The following AJM1 variants were observed in gnomAD, a reference collection of about 807,000 sequenced individuals.
AJM1 encodes uncharacterized protein C9orf172.
AJM1 carries 22 observed loss-of-function variants against 43.0 expected under a neutral mutation model. The observed-to-expected ratio is 0.51, with a 90% CI of 0.37 to 0.73. The LOEUF (loss-of-function observed/expected upper bound fraction) is 0.73. AJM1 is among the 30% of genes least tolerant of loss of function. The pLI is 0.00. For missense variants in AJM1, 1,305 were observed against 1,343.3 expected (o/e 0.97, Z 0.45); for synonymous variants, 719 against 638.3 (o/e 1.13, Z -1.91).
rs1449618123 is a variant in AJM1, at chr9:136,844,741, G to A, written c.327G>A (p.Ser109=). 6.2e-5 allele frequency: 37 copies of A among 594,556 alleles called. No individual in the cohort carries two copies. The East Asian group carries it at 3.6e-3, about 57-fold the overall frequency. The allele number at this position is 594,556 out of a possible 1,614,324, so 36.8% of individuals were successfully genotyped here. The change falls in exon 3 of 3, where the codon TCG becomes TCA. Residue 109 remains serine, a synonymous_variant. Coordinates refer to ENST00000436881, the MANE Select transcript of AJM1 (RefSeq NM_001080482.5). ...APPGLTPAPA[S]PPVLPRRGRE... ...CGGGCCTGACGCCCGCGCCCGCCTC[G>A]CCGCCGGTGTTGCCCCGCCGAGGGC...
Position 136,845,562 on chromosome 9 carries a change from G to T in AJM1, c.1148G>T (p.Arg383Leu). The change falls in exon 3 of 3, where the codon CGC (arginine) becomes CTC (leucine). Residue 383 changes from arginine (R) to leucine (L), a missense_variant. Transcript: ENST00000436881. ...PFYTEDFGRY[R>L]ERDVLARTYP... ...TACACGGAGGACTTCGGAAGGTACCGCGAGCGTGACGTCCTGGCTCGGACG... is the reference window on the plus strand; with the variant it reads ...TACACGGAGGACTTCGGAAGGTACCTCGAGCGTGACGTCCTGGCTCGGACG... 6 of 1,591,216 alleles carry T rather than the reference G, an allele frequency of 3.8e-6. No homozygotes were observed. The highest frequency in any genetic ancestry group is 5.1e-6 in the Non-Finnish European group (6 of 1,171,098).
At position 136,845,589 on chromosome 9, in the gene AJM1, A is replaced by G. The variant is rs776469636; in HGVS notation, c.1175A>G (p.Tyr392Cys). ...YRERDVLART[Y>C]PHPRSSPAWA... ...GAGCGTGACGTCCTGGCTCGGACGTACCCGCACCCGCGCAGCAGCCCGGCC... is the reference window on the plus strand; with the variant it reads ...GAGCGTGACGTCCTGGCTCGGACGTGCCCGCACCCGCGCAGCAGCCCGGCC... Residue 392 changes from tyrosine (Y) to cysteine (C), a missense_variant, in exon 3 of 3, where the codon TAC (tyrosine) becomes TGC (cysteine). Around this residue, in one of 6 missense-constraint regions of AJM1, gnomAD observed 653 missense variants for 549.1 expected, o/e 1.19. Coordinates refer to ENST00000436881, the MANE Select transcript of AJM1 (RefSeq NM_001080482.5). 1 of 1,585,858 alleles carries G rather than the reference A, an allele frequency of 6.3e-7. No individual in the cohort carries two copies. The highest frequency in any genetic ancestry group is 8.5e-7 in the Non-Finnish European group (1 of 1,170,448).
intron 1 of AJM1, among the ~76,000 whole-genome samples, chr9:136,842,911 G>A (rs1299001230): frequency 6.6e-6 from 1 of 151,972 alleles, no homozygotes; most frequent in African/African-American, 2.4e-5. Context: ...CTCACACCCT[G>A]TCATCCGGCC....
At position 136,845,553 on chromosome 9, in the gene AJM1, G is replaced by A. The variant is rs552865442; in HGVS notation, c.1139G>A (p.Gly380Glu). 8.2e-6 allele frequency: 13 copies of A among 1,594,536 alleles called. No individual in the cohort carries two copies. In the East Asian group the frequency reaches 1.4e-4, roughly 17 times the overall value. Residue 380 changes from glycine (G) to glutamate (E), a missense_variant, in exon 3 of 3, where the codon GGA (glycine) becomes GAA (glutamate). Around this residue, in one of 6 missense-constraint regions of AJM1, gnomAD observed 653 missense variants for 549.1 expected, o/e 1.19. Coordinates refer to ENST00000436881, the MANE Select transcript of AJM1 (RefSeq NM_001080482.5). ...CGCCCCTTTTACACGGAGGACTTCG[G>A]AAGGTACCGCGAGCGTGACGTCCTG... Reference protein sequence around the residue: ...TARPFYTEDFGRYRERDVLAR... With the variant: ...TARPFYTEDFERYRERDVLAR...
In AJM1 at chr9:136,844,893, G is replaced by A. The variant is rs992151258; in HGVS notation, c.479G>A (p.Arg160His). The A allele has an allele frequency of 3.5e-4, 90 of 255,908 alleles. 1 individual carries two copies. The highest frequency in any genetic ancestry group is 5.8e-4 in the Non-Finnish European group (80 of 137,666). 15.9% of individuals were successfully genotyped at this position (255,908 alleles called of 1,614,324 possible). A position where few individuals can be genotyped will look rare whatever the true frequency, so the allele number is the denominator to read the frequency against. ...KLQPQRGGPG[R>H]VAPLCAAAGR... ...CAGCCGCAGCGGGGCGGCCCCGGCCGCGTCGCGCCCCTGTGCGCCGCCGCG... is the reference window on the plus strand; with the variant it reads ...CAGCCGCAGCGGGGCGGCCCCGGCCACGTCGCGCCCCTGTGCGCCGCCGCG... Residue 160 changes from arginine (R) to histidine (H), a missense_variant, in exon 3 of 3, where the codon CGC becomes CAC. Around this residue, in one of 6 missense-constraint regions of AJM1, gnomAD observed 653 missense variants for 549.1 expected, o/e 1.19. Transcript: ENST00000436881.
chr9:136,843,706 C>T (rs1231658118), intron 1 of AJM1, among the ~76,000 whole-genome samples: 1 of 152,188 alleles, frequency 6.6e-6, no homozygotes, highest in Non-Finnish European at 1.5e-5. Context: ...GTTGAGGGCA[C>T]CTAGGCGTGG....
Position 136,848,274 on chromosome 9 carries a change from G to C in AJM1, c.*929G>C, listed in dbSNP as rs1319774383. On this transcript the variant is annotated 3_prime_UTR_variant, in exon 3 of 3. Transcript: ENST00000436881. ...GTGGGAGCCTGGAGGGCAAAGCGTG[G>C]TGCGAGCAGGTGAGGGAGAGAGCTA... is the stretch of plus-strand genomic sequence containing the variant. 6.5e-6 allele frequency: 1 copy of C among 152,780 alleles called. No homozygotes were observed. The highest frequency in any genetic ancestry group is 2.4e-5 in the African/African-American group (1 of 41,482). The allele number at this position is 152,780 out of a possible 1,614,324, so 9.5% of individuals were successfully genotyped here. A position where few individuals can be genotyped will look rare whatever the true frequency, so the allele number is the denominator to read the frequency against.
Position 136,845,700 on chromosome 9 carries a change from G to GCGGCAC in AJM1, c.1294_1299dup (p.Gly432_Thr433dup), listed in dbSNP as rs762091883. ...GACCCGTTGCTCGCCTCCTGGCACG[G>GCGGCAC]CGGCACCGGCACCAGTCCGCCCCGG... On this transcript the variant is annotated inframe_insertion, in exon 3 of 3. Coordinates refer to ENST00000436881, the MANE Select transcript of AJM1 (RefSeq NM_001080482.5). The GCGGCAC allele has an allele frequency of 1.7e-4, 264 of 1,570,266 alleles. No homozygotes were observed. The highest frequency in any genetic ancestry group is 1.0e-4 in the Non-Finnish European group (119 of 1,166,850).
chr9:136,847,011 G>T lies in AJM1; in HGVS notation c.2597G>T (p.Arg866Leu), dbSNP rs1848786188. 8.0e-7 allele frequency: 1 copy of T among 1,252,502 alleles called. No individual in the cohort carries two copies. The highest frequency in any genetic ancestry group is 1.1e-6 in the Non-Finnish European group (1 of 948,108). 77.6% of individuals were successfully genotyped at this position (1,252,502 alleles called of 1,614,324 possible). The change falls in exon 3 of 3, where the codon CGC becomes CTC. Residue 866 changes from arginine to leucine, a missense_variant. Arg to Leu is a moderately radical substitution (Grantham distance 102). Coordinates refer to ENST00000436881, the MANE Select transcript of AJM1 (RefSeq NM_001080482.5). ...GCGCGGCCGCCCCCGGCGCGGAGCC[G>T]CGAGCCCGACATGGAGACGCTGATC... ...SPARPPPARSREPDMETLILT... is the reference protein window; with the variant it reads ...SPARPPPARSLEPDMETLILT...
Position 136,845,308 on chromosome 9 carries a change from C to T in AJM1, c.894C>T (p.Pro298=), listed in dbSNP as rs565642539. Reference sequence around the variant, plus strand: ...TCCGGGGCAGCTTTGCAGCCAGTCCCGGCCCAACCTTCGACGCCTACTACC... The same window carrying T: ...TCCGGGGCAGCTTTGCAGCCAGTCCTGGCCCAACCTTCGACGCCTACTACC... ...QGFRGSFAAS[P]GPTFDAYYPR... Residue 298 remains proline, a synonymous_variant, in exon 3 of 3, where the codon CCC becomes CCT. Transcript: ENST00000436881. 2.7e-4 allele frequency: 440 copies of T among 1,611,802 alleles called. No individual in the cohort carries two copies. The East Asian group carries it at 8.9e-3, about 33-fold the overall frequency.
chr9:136,843,433 C>T (rs1368253641), intron 1 of AJM1, among the ~76,000 whole-genome samples: 1 of 152,250 alleles, frequency 6.6e-6, no homozygotes, highest in Non-Finnish European at 1.5e-5. Flanking sequence ...CTTCCCCCAC[C>T]CTCCGCCCTG....
Position 136,845,350 on chromosome 9 carries a change from C to T in AJM1, c.936C>T (p.Ser312=). ...CCTACTACCCCAGGCCCTATCCGTC[C>T]GAGGAGCTCTCGGGGCCCAGTCCAA... The part of the protein sequence containing the change: ...FDAYYPRPYP[S]EELSGPSPRR... Residue 312 remains serine (S), a synonymous_variant, in exon 3 of 3, where the codon TCC becomes TCT. Coordinates refer to ENST00000436881, the MANE Select transcript of AJM1 (RefSeq NM_001080482.5). 2 of 1,612,428 alleles carry T rather than the reference C, an allele frequency of 1.2e-6. No individual in the cohort carries two copies. Among genetic ancestry groups the T allele is most frequent in the African/African-American group, 2.7e-5 (2 of 75,054 alleles).
Position 136,844,352 on chromosome 9 carries a change from C to G in AJM1, c.-59-4C>G, listed in dbSNP as rs925626601. The G allele has an allele frequency of 8.5e-6, 12 of 1,414,460 alleles. No individual in the cohort carries two copies. The highest frequency in any genetic ancestry group is 4.8e-5 in the East Asian group (2 of 41,830). The allele number at this position is 1,414,460 out of a possible 1,614,324, so 87.6% of individuals were successfully genotyped here. On this transcript the variant is annotated splice_region_variant and splice_polypyrimidine_tract_variant and intron_variant, in intron 2 of 2. Transcript: ENST00000436881. ...GGGCCGCCCTGACCCGCGTCTCCCC[C>G]CAGGGCAAAAGCCCCGCAAGGCAGT...
Position 136,847,995 on chromosome 9 carries a change from G to A in AJM1, c.*650G>A, listed in dbSNP as rs1407283974. ...CGCCGAGGCGGTGGGCAGGGCGGAC[G>A]GTGCGCAGTGCGTTCCCGCTGGTCG... On this transcript the variant is annotated 3_prime_UTR_variant, in exon 3 of 3. Transcript: ENST00000436881. The A allele has an allele frequency of 6.6e-6, 1 of 152,314 alleles. No homozygotes were observed. The highest frequency in any genetic ancestry group is 1.9e-4 in the East Asian group (1 of 5,196). The allele number at this position is 152,314 out of a possible 1,614,324, so 9.4% of individuals were successfully genotyped here. A position where few individuals can be genotyped will look rare whatever the true frequency, so the allele number is the denominator to read the frequency against.
At position 136,845,782 on chromosome 9, in the gene AJM1, G is replaced by A. The variant is rs1466732273; in HGVS notation, c.1368G>A (p.Gly456=). Residue 456 remains glycine, a synonymous_variant, in exon 3 of 3, where the codon GGG becomes GGA. Transcript: ENST00000436881. ...CCTGGGACAACATTCTGGCCCCGGGGCCGCGCCGAGAAGACCCGTTGGGCC... is the reference window on the plus strand; with the variant it reads ...CCTGGGACAACATTCTGGCCCCGGGACCGCGCCGAGAAGACCCGTTGGGCC... ...SRSWDNILAP[G]PRREDPLGRG... 4 of 1,568,770 alleles carry A rather than the reference G, an allele frequency of 2.5e-6. No homozygotes were observed. The highest frequency in any genetic ancestry group is 1.2e-5 in the South Asian group (1 of 86,818).
At chr9:136,842,864 G>A (rs969781021) in intron 1 of AJM1, among the ~76,000 whole-genome samples, 10 of 152,224 alleles carry the variant, frequency 6.6e-5, no homozygotes, top group Admixed American at 6.5e-4. Flanking sequence ...GACAGCTGCA[G>A]CCAGCAAGGC....
Position 136,845,637 on chromosome 9 carries a change from C to T in AJM1, c.1223C>T (p.Pro408Leu), listed in dbSNP as rs1848762420. The T allele has an allele frequency of 6.3e-7, 1 of 1,577,818 alleles. No homozygotes were observed. Among genetic ancestry groups the T allele is most frequent in the Non-Finnish European group, 8.6e-7 (1 of 1,168,844 alleles). The stretch of plus-strand genomic sequence containing the variant: ...GCCTGGGCGGACTGGGGCCCGCGAC[C>T]GTACCGCACCCTGCAAGTGGTGCCG... ...SPAWADWGPRPYRTLQVVPPS... is the reference protein window; with the variant it reads ...SPAWADWGPRLYRTLQVVPPS... The change falls in exon 3 of 3, where the codon CCG becomes CTG. Residue 408 changes from proline (P) to leucine (L), a missense_variant. Pro to Leu is a moderately conservative substitution (Grantham distance 98, BLOSUM62 -3). This residue lies in a region of AJM1 where 653 missense variants were observed against 549.1 expected (regional missense o/e 1.19). Transcript: ENST00000436881.
Position 136,847,258 on chromosome 9 carries a change from C to T in AJM1, c.2844C>T (p.Arg948=). The T allele has an allele frequency of 3.8e-6, 6 of 1,598,354 alleles. No individual in the cohort carries two copies. The highest frequency in any genetic ancestry group is 5.1e-6 in the Non-Finnish European group (6 of 1,176,100). Residue 948 remains arginine, a synonymous_variant, in exon 3 of 3, where the codon CGC becomes CGT. Transcript: ENST00000436881. ...TIYPTDRRTG[R]PFMCMIMAAS... is the part of the protein sequence containing the mutation. Reference sequence around the variant, plus strand: ...ACCCCACGGACCGGCGCACCGGCCGCCCCTTCATGTGCATGATCATGGCCG... The same window carrying T: ...ACCCCACGGACCGGCGCACCGGCCGTCCCTTCATGTGCATGATCATGGCCG...
Position 136,847,461 on chromosome 9 carries a change from C to T in AJM1, c.*116C>T, listed in dbSNP as rs928710076. The T allele has an allele frequency of 7.6e-6, 6 of 794,604 alleles. No individual in the cohort carries two copies. In the Admixed American group the frequency reaches 1.9e-4, roughly 26 times the overall value. 49.2% of individuals were successfully genotyped at this position (794,604 alleles called of 1,614,324 possible). ...GAGCCCCGCCAGGGCCCCACCCCGA[C>T]TTCTTCTAGGCCCCGCCTCTAATTC... is the stretch of plus-strand genomic sequence containing the variant. On this transcript the variant is annotated 3_prime_UTR_variant, in exon 3 of 3. Coordinates refer to ENST00000436881, the MANE Select transcript of AJM1 (RefSeq NM_001080482.5).
Sources: allele counts gnomAD v4.1 joint callset (sites outside exome capture counted in the v4.1 genomes callset), GRCh38; gene constraint gnomAD v4.1.1; regional missense constraint gnomAD v4.1.1; transcripts MANE v1.5; gene names NCBI Gene and HGNC (gene_info 2026-07-23, HGNC 2026-07-21).